Variants in ARMH3 observed in about 807,000 individuals in gnomAD.
ARMH3 encodes the protein armadillo like helical domain containing 3.
In ARMH3, 60 loss-of-function variants were observed where a neutral mutation model predicts 99.1. The observed-to-expected ratio is 0.61, with a 90% confidence interval of 0.49 to 0.75. The LOEUF is 0.75. Among genes scored for constraint, ARMH3 ranks in the 30% least tolerant of loss-of-function variants. ARMH3 has a pLI of 0.00. For synonymous variants in ARMH3, 285 were observed against 292.8 expected, an observed-to-expected ratio of 0.97 and a Z score of 0.27; for missense variants, 679 against 843.1, an observed-to-expected ratio of 0.81 and a Z score of 2.41.
At chr10:101,906,847 G>T (rs1842653723) in intron 23 of ARMH3, among the ~76,000 whole-genome samples, 1 of 152,142 alleles carries the variant, frequency 6.6e-6, no homozygotes, top group Non-Finnish European at 1.5e-5. Flanking sequence ...CAGCTGTGAA[G>T]AATCAGATAT....
chr10:102,049,190 C>A (rs1463786674), intron 1 of ARMH3, among the ~76,000 whole-genome samples: 3 of 152,154 alleles, frequency 2.0e-5, no homozygotes, highest in Admixed American at 6.6e-5. Flanking sequence ...AAGCAAATAA[C>A]CCCTTTCTAT....
intron 19 of ARMH3, among the ~76,000 whole-genome samples, chr10:101,986,278 G>A (rs570780279): frequency 3.3e-5 from 5 of 152,094 alleles, no homozygotes; most frequent in East Asian, 1.9e-4. Flanking sequence ...CCAAGTTTTC[G>A]ATGTAAGAGT....
intron 24 of ARMH3, 106 bp from the exon 25 acceptor site, chr10:101,849,998 C>G: frequency 1.1e-6 from 1 of 886,728 alleles, no homozygotes. Flanking sequence ...GACAACACCC[C>G]CAAGAAACCT....
chr10:101,922,004 A>G (rs1843327366), intron 23 of ARMH3, among the ~76,000 whole-genome samples: 1 of 152,232 alleles, frequency 6.6e-6, no homozygotes, highest in African/African-American at 2.4e-5. Context: ...TTCCCAACAC[A>G]GAAATGATAA....
At chr10:102,047,961 A>C (rs1320486522) in intron 1 of ARMH3, among the ~76,000 whole-genome samples, 2 of 152,160 alleles carry the variant, frequency 1.3e-5, no homozygotes, top group Non-Finnish European at 2.9e-5. Context: ...ACATCATACA[A>C]TACTCGAGGC....
chr10:101,949,323 C>T (rs894663601), intron 22 of ARMH3, among the ~76,000 whole-genome samples: 1 of 149,738 alleles, frequency 6.7e-6, no homozygotes, highest in African/African-American at 2.5e-5. Flanking sequence ...AATCAATAAA[C>T]TTGATAAACA....
intron 2 of ARMH3, among the ~76,000 whole-genome samples, chr10:102,035,978 C>T (rs569957275): frequency 2.0e-5 from 3 of 151,692 alleles, no homozygotes; most frequent in African/African-American, 7.3e-5. Context: ...TGCCCAGCCG[C>T]CCATCGTCTG....
At chr10:102,013,861 A>G in intron 9 of ARMH3, 107 bp downstream of exon 9, 1 of 924,444 alleles carries the variant, frequency 1.1e-6, no homozygotes, top group Non-Finnish European at 1.6e-6. Context: ...TAACCGGATG[A>G]AATTGACAGA....
At chr10:101,873,241 A>G (rs560499202) in intron 24 of ARMH3, among the ~76,000 whole-genome samples, 1 of 151,578 alleles carries the variant, frequency 6.6e-6, no homozygotes, top group Admixed American at 6.6e-5. Flanking sequence ...GTCTCTACTA[A>G]AAATACAAAA....
chr10:101,939,969 A>C, intron 22 of ARMH3, 31 bp from the exon 23 acceptor site: 1 of 1,591,368 alleles, frequency 6.3e-7, no homozygotes, highest in Non-Finnish European at 8.6e-7. Flanking sequence ...CAGATCTGTC[A>C]AACCCCCGGC....
At chr10:101,929,295 T>C (rs1244572911) in intron 23 of ARMH3, among the ~76,000 whole-genome samples, 1 of 152,198 alleles carries the variant, frequency 6.6e-6, no homozygotes, top group African/African-American at 2.4e-5. Flanking sequence ...GGAAAAGAAA[T>C]AGCTGTGGGC....
chr10:102,054,530 G>A (rs535041699), intron 1 of ARMH3, among the ~76,000 whole-genome samples: 1 of 152,232 alleles, frequency 6.6e-6, no homozygotes, highest in East Asian at 1.9e-4. Context: ...CCTTGACTGT[G>A]ATCTGATATC....
chr10:101,962,548 T>G (rs968874602), intron 20 of ARMH3, among the ~76,000 whole-genome samples: 3 of 152,236 alleles, frequency 2.0e-5, no homozygotes, highest in African/African-American at 7.2e-5. Context: ...TATTAGGTGC[T>G]TGCTAGGTGC....
chr10:102,009,819 G>C (rs568970354), intron 12 of ARMH3, among the ~76,000 whole-genome samples, 158 bp downstream of exon 12: 1 of 152,156 alleles, frequency 6.6e-6, no homozygotes. Context: ...AAATTTCTAA[G>C]GGTCCATTAA....
At chr10:101,860,264 A>G (rs1050898490) in intron 24 of ARMH3, among the ~76,000 whole-genome samples, 1 of 152,206 alleles carries the variant, frequency 6.6e-6, no homozygotes, top group African/African-American at 2.4e-5. Flanking sequence ...ATATAGATAT[A>G]TAGATATAGA....
chr10:101,857,677 C>T (rs1422841916), intron 24 of ARMH3, among the ~76,000 whole-genome samples: 1 of 152,212 alleles, frequency 6.6e-6, no homozygotes, highest in Non-Finnish European at 1.5e-5. Context: ...TTTCCTCAAA[C>T]TCAAAGGAAG....
chr10:101,953,489 C>T (rs150604106), intron 22 of ARMH3, among the ~76,000 whole-genome samples: 29 of 150,246 alleles, frequency 1.9e-4, no homozygotes, highest in Non-Finnish European at 4.1e-4. Flanking sequence ...TTGATCCTCC[C>T]GCCTGGGACT....
chr10:101,858,714 G>A (rs983578034), intron 24 of ARMH3, among the ~76,000 whole-genome samples: 1 of 152,176 alleles, frequency 6.6e-6, no homozygotes, highest in Non-Finnish European at 1.5e-5. Flanking sequence ...TGCATTAGCA[G>A]GTGGACGCAG....
At chr10:102,013,944 A>G (rs774667858) in intron 9 of ARMH3, 24 bp downstream of exon 9, 1 of 1,570,270 alleles carries the variant, frequency 6.4e-7, no homozygotes, top group Non-Finnish European at 8.7e-7. Context: ...AAGTAAGACA[A>G]TACACAAGGA....
Sources: gnomAD v4.1 joint callset for allele counts (sites outside exome capture counted in the v4.1 genomes callset) on GRCh38, gnomAD v4.1.1 for gene constraint, MANE v1.5 for transcripts, NCBI Gene and HGNC (gene_info 2026-07-23, HGNC 2026-07-21) for gene names.